Variants in SORL1 observed in about 807,000 individuals in gnomAD.
SORL1 encodes sortilin related receptor 1.
Under a neutral mutation model 273.7 loss-of-function variants are expected in SORL1, and 127 were observed. The ratio of observed to expected loss-of-function variants is 0.46; its 90% confidence interval spans 0.40 to 0.54. The LOEUF (loss-of-function observed/expected upper bound fraction) is 0.54. SORL1 is among the 20% of genes least tolerant of loss of function. SORL1 has a pLI of 0.00. For missense variants in SORL1, 2,494 were observed against 2,846.1 expected, an observed-to-expected ratio of 0.88 and a Z score of 2.81; for synonymous variants, 1,031 against 1,067.4, an observed-to-expected ratio of 0.97 and a Z score of 0.66.
At chr11:121,565,235 T>G (rs1464981306) in intron 21 of SORL1, among the ~76,000 whole-genome samples, 1 of 152,256 alleles carries the variant, frequency 6.6e-6, no homozygotes, top group Non-Finnish European at 1.5e-5. Flanking sequence ...GTATGTTTTC[T>G]CTCTATTTAC....
chr11:121,463,168 T>G (rs1168917550), intron 1 of SORL1, among the ~76,000 whole-genome samples: 2 of 152,192 alleles, frequency 1.3e-5, no homozygotes. Flanking sequence ...CACATTGCCT[T>G]AAAGTCTGTC....
intron 25 of SORL1, among the ~76,000 whole-genome samples, chr11:121,582,668 ACT>A (rs1377155467): frequency 2.6e-5 from 4 of 151,860 alleles, no homozygotes; most frequent in Non-Finnish European, 5.9e-5. Flanking sequence ...TTTAACAGTG[ACT>A]CTCTTTCACT....
intron 44 of SORL1, among the ~76,000 whole-genome samples, 195 bp from the exon 45 acceptor site, chr11:121,621,967 A>G (rs1863729412): frequency 6.6e-6 from 1 of 152,238 alleles, no homozygotes; most frequent in Non-Finnish European, 1.5e-5. Flanking sequence ...AAGATGTTAT[A>G]ACAACAATAA....
At chr11:121,457,077 C>T (rs1393251134) in intron 1 of SORL1, among the ~76,000 whole-genome samples, 4 of 152,146 alleles carry the variant, frequency 2.6e-5, no homozygotes, top group Non-Finnish European at 5.9e-5. Context: ...CAATAAGGGA[C>T]GTGACCTTGA....
At chr11:121,503,077 C>G (rs923184668) in intron 6 of SORL1, among the ~76,000 whole-genome samples, 1 of 152,018 alleles carries the variant, frequency 6.6e-6, no homozygotes, top group South Asian at 2.1e-4. Flanking sequence ...ATCATGTTGC[C>G]CAGGCTGGTC....
chr11:121,617,372 G>A (rs983664460), intron 41 of SORL1, among the ~76,000 whole-genome samples: 1 of 152,200 alleles, frequency 6.6e-6, no homozygotes, highest in Non-Finnish European at 1.5e-5. Context: ...ATAATGTTAT[G>A]CCAGAGTCAA....
intron 43 of SORL1, among the ~76,000 whole-genome samples, chr11:121,620,793 T>C (rs976417249): frequency 2.6e-5 from 4 of 152,242 alleles, no homozygotes; most frequent in Admixed American, 2.6e-4. Context: ...CCAACCTACC[T>C]GCTGATGTCA....
intron 42 of SORL1, 86 bp downstream of exon 42, chr11:121,618,979 T>C (rs999392909): frequency 5.0e-6 from 7 of 1,408,154 alleles, no homozygotes; most frequent in African/African-American, 4.3e-5. Context: ...GGAGCTTGCA[T>C]ACCTGGACTC....
chr11:121,532,203 C>T (rs1412325791), intron 11 of SORL1, among the ~76,000 whole-genome samples: 9 of 152,170 alleles, frequency 5.9e-5, no homozygotes, highest in African/African-American at 2.2e-4. Flanking sequence ...TCACAGTCTA[C>T]CATTTTAATA....
intron 20 of SORL1, 94 bp downstream of exon 20, chr11:121,558,931 G>C: frequency 1.3e-6 from 2 of 1,483,112 alleles, no homozygotes; most frequent in Non-Finnish European, 1.8e-6. Flanking sequence ...CAGAGAAGCT[G>C]TTTAACTTCT....
Position 121,631,855 on chromosome 11 carries a change from C to T in SORL1, c.*2292C>T, listed in dbSNP as rs1166735372. ...AGTTCCTGAAGACTAAGCTAGATAG[C>T]TGCAGCTATATGTAAATTGTATATT... On this transcript the variant is annotated 3_prime_UTR_variant, in exon 48 of 48. Coordinates refer to ENST00000260197, the MANE Select transcript of SORL1 (RefSeq NM_003105.6). 1 of 152,184 alleles carries T rather than the reference C, an allele frequency of 6.6e-6. No individual in the cohort carries two copies. Among genetic ancestry groups the T allele is most frequent in the African/African-American group, 2.4e-5 (1 of 41,448 alleles). The allele number at this position is 152,184 out of a possible 1,614,324, so 9.4% of individuals were successfully genotyped here.
At chr11:121,561,666 G>A (rs1175511934) in intron 21 of SORL1, among the ~76,000 whole-genome samples, 1 of 141,214 alleles carries the variant, frequency 7.1e-6, no homozygotes, top group Admixed American at 7.3e-5. Context: ...TCCATCCTGG[G>A]TGACAGAGTG....
intron 32 of SORL1, among the ~76,000 whole-genome samples, chr11:121,600,445 A>G (rs1255358848): frequency 6.6e-6 from 1 of 152,242 alleles, no homozygotes; most frequent in African/African-American, 2.4e-5. Context: ...CAACAGGGAC[A>G]GGTTGATCCC....
chr11:121,504,567 C>G (rs1308280828), intron 6 of SORL1, among the ~76,000 whole-genome samples: 1 of 151,954 alleles, frequency 6.6e-6, no homozygotes, highest in African/African-American at 2.4e-5. Flanking sequence ...TTTATTAGTT[C>G]TAACTTTTTT....
At chr11:121,592,352 G>A (rs767211528) in intron 31 of SORL1, among the ~76,000 whole-genome samples, 1 of 152,168 alleles carries the variant, frequency 6.6e-6, no homozygotes, top group Non-Finnish European at 1.5e-5. Context: ...CGCCTGGGGT[G>A]TTTATAAAAA....
chr11:121,549,671 A>G (rs377374682), intron 14 of SORL1, among the ~76,000 whole-genome samples: 1 of 48,592 alleles, frequency 2.1e-5, no homozygotes, highest in Admixed American at 2.3e-4. Flanking sequence ...CAGAGTCTTA[A>G]ATTGGGAACT....
At chr11:121,616,101 A>G (rs1276896934) in intron 41 of SORL1, among the ~76,000 whole-genome samples, 2 of 152,094 alleles carry the variant, frequency 1.3e-5, no homozygotes, top group Non-Finnish European at 2.9e-5. Context: ...AGTTGAGTCT[A>G]CTCATAAAGA....
At chr11:121,622,391 C>T in intron 45 of SORL1, 123 bp downstream of exon 45, 1 of 594,688 alleles carries the variant, frequency 1.7e-6, no homozygotes, top group South Asian at 2.2e-5. Flanking sequence ...AAGAATAGGA[C>T]ATGGACATGA....
chr11:121,498,489 C>T (rs986272888), intron 6 of SORL1, among the ~76,000 whole-genome samples: 1 of 152,150 alleles, frequency 6.6e-6, no homozygotes, highest in Admixed American at 6.5e-5. Flanking sequence ...CTGGTTTGTC[C>T]TCCTTTTTGC....
Sources: allele counts gnomAD v4.1 joint callset (sites outside exome capture counted in the v4.1 genomes callset), GRCh38; gene constraint gnomAD v4.1.1; transcripts MANE v1.5; gene names NCBI Gene and HGNC (gene_info 2026-07-23, HGNC 2026-07-21).